Variants in ZNF521 observed in about 807,000 individuals in gnomAD.
ZNF521 encodes zinc finger protein 521.
In ZNF521, 14 loss-of-function variants were observed where a neutral mutation model predicts 105.5. That is an observed-to-expected ratio of 0.13 (90% CI 0.09 to 0.21). ZNF521 has a LOEUF of 0.21. Ranked by LOEUF, ZNF521 falls within the 10% of genes least tolerant of loss-of-function variation. The pLI is 1.00. For missense variants in ZNF521, 1,233 were observed against 1,629.7 expected (o/e 0.76, Z 4.19); for synonymous variants, 635 against 606.0 (o/e 1.05, Z -0.70).
chr18:25,350,718 G>C lies in ZNF521; in HGVS notation c.40+189C>G, dbSNP rs8082915. Among the ~76,000 whole-genome samples, 296 of 143,854 alleles carry C rather than the reference G, an allele frequency of 2.1e-3. 2 individuals carry two copies. Among genetic ancestry groups the C allele is most frequent in the African/African-American group, 7.1e-3 (273 of 38,440 alleles). The allele number at this position is 143,854 out of a possible 152,430, so 94.4% of individuals were successfully genotyped here. A position where few individuals can be genotyped will look rare whatever the true frequency, so the allele number is the denominator to read the frequency against. The stretch of plus-strand genomic sequence containing the variant: ...ATTCGGGGATCCTCCTCCCGTCTTC[G>C]TCTCCCCCCACCCCGACACCTCACC... On this transcript the variant is annotated intron_variant, in intron 2 of 7. Transcript: ENST00000361524.
At chr18:25,292,263 T>A (rs1419730260) in intron 3 of ZNF521, among the ~76,000 whole-genome samples, 1 of 152,236 alleles carries the variant, frequency 6.6e-6, no homozygotes, top group Non-Finnish European at 1.5e-5. Context: ...TACTTTATTC[T>A]GGTGAATCTC....
At chr18:25,207,053 T>G (rs951465512) in intron 4 of ZNF521, among the ~76,000 whole-genome samples, 1 of 147,164 alleles carries the variant, frequency 6.8e-6, no homozygotes, top group African/African-American at 2.6e-5. Flanking sequence ...CCATTCATTA[T>G]CCCGAAAATA....
intron 5 of ZNF521, among the ~76,000 whole-genome samples, chr18:25,115,767 A>G (rs1386804939): frequency 6.6e-6 from 1 of 152,182 alleles, no homozygotes; most frequent in Admixed American, 6.5e-5. Flanking sequence ...TTCAAGCCCC[A>G]ATCTCCTGTC....
At chr18:25,108,166 CTT>C (rs1488089748) in intron 5 of ZNF521, among the ~76,000 whole-genome samples, 3 of 152,178 alleles carry the variant, frequency 2.0e-5, no homozygotes, top group Non-Finnish European at 4.4e-5. Flanking sequence ...TGAAGACTGG[CTT>C]TGTCCTTTAA....
In ZNF521 at chr18:25,227,412, G is replaced by A. The variant is rs2144743089; in HGVS notation, c.506C>T (p.Thr169Ile). 1 of 1,614,164 alleles carries A rather than the reference G, an allele frequency of 6.2e-7. No individual in the cohort carries two copies. Among genetic ancestry groups the A allele is most frequent in the Non-Finnish European group, 8.5e-7 (1 of 1,180,032 alleles). The change falls in exon 4 of 8, where the codon ACC (threonine) becomes ATC (isoleucine). Residue 169 changes from threonine to isoleucine, a missense_variant. Thr to Ile is a moderately conservative substitution (Grantham distance 89). This residue lies in a region of ZNF521 where 85 missense variants were observed against 162.2 expected (regional missense o/e 0.52). Transcript: ENST00000361524. This position sits in a 1 kb window ranked among gnomAD's most constrained non-coding sequence, Gnocchi z 5.7. ...RSRDRHIKLH[T>I]GDKKYHCSEC... The stretch of plus-strand genomic sequence containing the variant: ...ACTGCAGTGGTACTTCTTGTCCCCG[G>A]TGTGGAGTTTTATGTGGCGATCTCG...
intron 4 of ZNF521, among the ~76,000 whole-genome samples, chr18:25,212,525 AAAAAAAAAAAAAAATATATATAT>A (rs1255207484): frequency 8.6e-5 from 10 of 115,756 alleles, no homozygotes; most frequent in African/African-American, 3.5e-4. Context: ...AAAAAAAAAA[AAAAAAAAAAAAAAATATATATAT>A]ATATATATAT....
intron 5 of ZNF521, among the ~76,000 whole-genome samples, chr18:25,137,681 T>G (rs1293781955): frequency 6.6e-6 from 1 of 152,098 alleles, no homozygotes; most frequent in African/African-American, 2.4e-5. Context: ...ACAGAGCACA[T>G]GTGTGTGCAC....
chr18:25,207,162 A>G (rs916334439), intron 4 of ZNF521, among the ~76,000 whole-genome samples: 23 of 152,194 alleles, frequency 1.5e-4, no homozygotes, highest in Non-Finnish European at 2.6e-4. Context: ...TTAGGATTGA[A>G]ACGGACAAGT....
At chr18:25,128,264 C>CA (rs2034573717) in intron 5 of ZNF521, among the ~76,000 whole-genome samples, 1 of 151,740 alleles carries the variant, frequency 6.6e-6, no homozygotes, top group East Asian at 1.9e-4. Flanking sequence ...CAAAATCCAA[C>CA]ATCCATTCAT....
intron 2 of ZNF521, among the ~76,000 whole-genome samples, chr18:25,349,791 C>T (rs1369902446): frequency 6.7e-6 from 1 of 150,186 alleles, no homozygotes; most frequent in Non-Finnish European, 1.5e-5. Context: ...CCAGCGGGCC[C>T]GGGCGGGCGC....
At chr18:25,172,483 A>G (rs1334248312) in intron 5 of ZNF521, among the ~76,000 whole-genome samples, 1 of 152,182 alleles carries the variant, frequency 6.6e-6, no homozygotes, top group African/African-American at 2.4e-5. Context: ...ACTGGCATCA[A>G]ACTGATTTCC....
chr18:25,303,238 C>T (rs1248257968), intron 3 of ZNF521, among the ~76,000 whole-genome samples: 1 of 99,394 alleles, frequency 1.0e-5, no homozygotes, highest in Admixed American at 9.6e-5. Flanking sequence ...CTCTAGAATT[C>T]TGTGAAAAAA....
intron 7 of ZNF521, among the ~76,000 whole-genome samples, chr18:25,079,820 A>G (rs924127909): frequency 5.3e-5 from 8 of 152,104 alleles, no homozygotes; most frequent in African/African-American, 1.9e-4. Context: ...ATACTGTTCC[A>G]TTTTCCTGCA....
intron 3 of ZNF521, among the ~76,000 whole-genome samples, chr18:25,269,271 G>A (rs1301025930): frequency 6.6e-6 from 1 of 152,136 alleles, no homozygotes; most frequent in Non-Finnish European, 1.5e-5. Flanking sequence ...CAACACAGGA[G>A]CACCCAGATT....
intron 5 of ZNF521, among the ~76,000 whole-genome samples, chr18:25,190,097 T>C (rs548303547): frequency 2.5e-4 from 38 of 152,306 alleles, no homozygotes; most frequent in Admixed American, 1.1e-3. Context: ...AAGCCAGCAT[T>C]GCCCACATGA....
chr18:25,342,415 T>TTTTTTG (rs1555667614), intron 2 of ZNF521, among the ~76,000 whole-genome samples: 1 of 81,774 alleles, frequency 1.2e-5, no homozygotes, highest in African/African-American at 4.5e-5. Context: ...TTTGTTTTTT[T>TTTTTTG]TTTGTTTGTT....
chr18:25,154,604 C>T (rs1041515597), intron 5 of ZNF521, among the ~76,000 whole-genome samples: 9 of 152,140 alleles, frequency 5.9e-5, no homozygotes, highest in African/African-American at 2.2e-4. Flanking sequence ...CCTTCAATAC[C>T]CTGAAATTTA....
chr18:25,316,377 A>C (rs1022894362), intron 3 of ZNF521, among the ~76,000 whole-genome samples: 3 of 145,416 alleles, frequency 2.1e-5, no homozygotes, highest in Non-Finnish European at 4.5e-5. Flanking sequence ...GGCAAAAAAA[A>C]AATGTATATA....
chr18:25,153,622 G>A (rs565914495), intron 5 of ZNF521, among the ~76,000 whole-genome samples: 5 of 152,278 alleles, frequency 3.3e-5, no homozygotes, highest in South Asian at 2.1e-4. Context: ...ACTGCACTGC[G>A]GATGTCTCCA....
Sources: allele counts gnomAD v4.1 joint callset (sites outside exome capture counted in the v4.1 genomes callset), GRCh38; gene constraint gnomAD v4.1.1; regional missense constraint gnomAD v4.1.1; non-coding constraint Gnocchi (gnomAD v3.1); transcripts MANE v1.5; gene names NCBI Gene and HGNC (gene_info 2026-07-23, HGNC 2026-07-21).